The following LHFPL3 variants were observed in gnomAD, a reference collection of about 807,000 sequenced individuals.
LHFPL3 encodes the protein LHFPL tetraspan subfamily member 3 protein.
Under a neutral mutation model 19.3 loss-of-function variants are expected in LHFPL3, and 5 were observed. The ratio of observed to expected loss-of-function variants is 0.26; its 90% CI spans 0.14 to 0.54. LHFPL3 has a LOEUF of 0.54. Among genes scored for constraint, LHFPL3 ranks in the 20% least tolerant of loss-of-function variants. The probability of loss-of-function intolerance (pLI) is 0.94; values close to 1 mark genes in which losing one functional copy is unlikely to be tolerated. For synonymous variants in LHFPL3, 133 were observed against 126.2 expected, an observed-to-expected ratio of 1.05 and a Z score of -0.36; for missense variants, 249 against 307.4, an observed-to-expected ratio of 0.81 and a Z score of 1.42.
chr7:104,877,994 T>C (rs1322862910), intron 2 of LHFPL3, among the ~76,000 whole-genome samples: 1 of 152,052 alleles, frequency 6.6e-6, no homozygotes, highest in African/African-American at 2.4e-5. Context: ...CCACCACACC[T>C]GGCTAATTTT....
intron 1 of LHFPL3, among the ~76,000 whole-genome samples, chr7:104,341,421 A>G (rs1004980694): frequency 1.6e-4 from 25 of 152,266 alleles, no homozygotes; most frequent in African/African-American, 6.0e-4. Context: ...ATCTATGACT[A>G]TGATCCAAAC....
chr7:104,575,086 T>C lies in LHFPL3; in HGVS notation c.446-161589T>C, dbSNP rs183759408. 2.6e-5 allele frequency among the ~76,000 whole-genome samples: 4 copies of C among 151,874 alleles called. No individual in the cohort carries two copies. In the East Asian group the frequency reaches 7.7e-4, roughly 29 times the overall value. ...ACTTAAGCATACTTTGGTTTCTGAG[T>C]AAATGGAACACAAATAACAGAAGAC... On this transcript the variant is annotated intron_variant, in intron 1 of 2. Transcript: ENST00000424859.
chr7:104,511,917 C>A (rs887488014), intron 1 of LHFPL3, among the ~76,000 whole-genome samples: 1 of 146,640 alleles, frequency 6.8e-6, no homozygotes, highest in Non-Finnish European at 1.5e-5. Flanking sequence ...TTCTAACGTT[C>A]TAATAGTGAT....
chr7:104,736,604 A>G, intron 1 of LHFPL3, 71 bp from the exon 2 acceptor site: 1 of 977,196 alleles, frequency 1.0e-6, no homozygotes, highest in Non-Finnish European at 1.6e-6. Context: ...AGACAGTGGA[A>G]ACATTTGCTA....
rs943489832 is a variant in LHFPL3 at position 104,328,627 on chromosome 7, C to G, written c.-153C>G. 1.0e-5 allele frequency: 7 copies of G among 683,282 alleles called. No homozygotes were observed. Among genetic ancestry groups the G allele is most frequent in the Non-Finnish European group, 1.5e-5 (6 of 409,156 alleles). The allele number at this position is 683,282 out of a possible 1,614,324, so 42.3% of individuals were successfully genotyped here. ...CGCTCCCCCGCCCTCCTTCCGGGAG[C>G]GAGGATGCAGACTCTGAAACTGGTG... is the stretch of plus-strand genomic sequence containing the variant. On this transcript the variant is annotated 5_prime_UTR_variant, in exon 1 of 3. Transcript: ENST00000424859. This position sits in a 1 kb window ranked among gnomAD's most constrained non-coding sequence, Gnocchi z 4.6.
intron 2 of LHFPL3, chr7:104,738,499 T>C (rs1793871440): frequency 6.6e-6 from 1 of 152,212 alleles, no homozygotes; most frequent in Non-Finnish European, 1.5e-5. Flanking sequence ...CAGAATGCTA[T>C]TGTTTCCTGT....
intron 1 of LHFPL3, among the ~76,000 whole-genome samples, chr7:104,686,843 T>C (rs374808662): frequency 3.3e-5 from 5 of 152,200 alleles, no homozygotes; most frequent in African/African-American, 1.2e-4. Flanking sequence ...CTTACAATCA[T>C]GGCAGAAGGG....
intron 1 of LHFPL3, among the ~76,000 whole-genome samples, chr7:104,664,270 T>C (rs1792282064): frequency 6.6e-6 from 1 of 152,226 alleles, no homozygotes; most frequent in African/African-American, 2.4e-5. Context: ...GGCAGTCTTG[T>C]ACCAAATTAG....
intron 1 of LHFPL3, among the ~76,000 whole-genome samples, chr7:104,562,751 A>T (rs1399624893): frequency 6.6e-6 from 1 of 151,656 alleles, no homozygotes; most frequent in Non-Finnish European, 1.5e-5. Flanking sequence ...GGAGGAGGAG[A>T]GGCACTCTGC....
chr7:104,837,944 T>A (rs1791129021), intron 2 of LHFPL3, among the ~76,000 whole-genome samples: 1 of 152,234 alleles, frequency 6.6e-6, no homozygotes, highest in African/African-American at 2.4e-5. Flanking sequence ...AATATAACCT[T>A]CAGAAACTAT....
chr7:104,439,758 A>G (rs573808025), intron 1 of LHFPL3, among the ~76,000 whole-genome samples: 3 of 152,268 alleles, frequency 2.0e-5, no homozygotes, highest in East Asian at 3.9e-4. Flanking sequence ...TAAAAAACTG[A>G]ACGCTTTTCT....
At chr7:104,791,145 G>A (rs1248911800) in intron 2 of LHFPL3, among the ~76,000 whole-genome samples, 2 of 152,158 alleles carry the variant, frequency 1.3e-5, no homozygotes, top group African/African-American at 4.8e-5. Context: ...TTCCTCTCCA[G>A]TAACCAAGTT....
intron 1 of LHFPL3, among the ~76,000 whole-genome samples, chr7:104,590,623 T>C (rs1257808363): frequency 6.6e-6 from 1 of 152,330 alleles, no homozygotes; most frequent in East Asian, 1.9e-4. Flanking sequence ...TAATTGTCTA[T>C]TAGGTCCGCT....
At chr7:104,731,131 T>C (rs556621375) in intron 1 of LHFPL3, among the ~76,000 whole-genome samples, 1 of 152,252 alleles carries the variant, frequency 6.6e-6, no homozygotes, top group Non-Finnish European at 1.5e-5. Flanking sequence ...AGTACCATGC[T>C]GTTTTGGTTA....
At chr7:104,377,569 A>C (rs914201383) in intron 1 of LHFPL3, among the ~76,000 whole-genome samples, 5 of 152,312 alleles carry the variant, frequency 3.3e-5, no homozygotes, top group African/African-American at 1.2e-4. Flanking sequence ...TTTTGCTTAG[A>C]GTACTTAAAA....
intron 1 of LHFPL3, among the ~76,000 whole-genome samples, chr7:104,568,781 C>A (rs971327002): frequency 6.6e-6 from 1 of 152,160 alleles, no homozygotes; most frequent in Non-Finnish European, 1.5e-5. Context: ...CTGGTGGTGC[C>A]CTTCCAGAGG....
chr7:104,421,782 C>T (rs35080238), intron 1 of LHFPL3, among the ~76,000 whole-genome samples: 16,209 of 152,164 alleles, frequency 0.11, 1,020 homozygotes, highest in East Asian at 0.26. Context: ...CTGATATGGA[C>T]TGAATGTTTG....
chr7:104,457,270 T>TC (rs1562903297), intron 1 of LHFPL3, among the ~76,000 whole-genome samples: 2 of 128,980 alleles, frequency 1.6e-5, no homozygotes, highest in Admixed American at 8.2e-5. Flanking sequence ...CCCTCCCCCA[T>TC]CCCCCCACCC....
chr7:104,847,723 C>G (rs1474238790), intron 2 of LHFPL3, among the ~76,000 whole-genome samples: 1 of 152,194 alleles, frequency 6.6e-6, no homozygotes, highest in African/African-American at 2.4e-5. Flanking sequence ...TGTTGGCCAG[C>G]CTGGTATCGA....
Sources: allele counts gnomAD v4.1 joint callset (sites outside exome capture counted in the v4.1 genomes callset), GRCh38; gene constraint gnomAD v4.1.1; non-coding constraint Gnocchi (gnomAD v3.1); transcripts MANE v1.5; gene names NCBI Gene and HGNC (gene_info 2026-07-23, HGNC 2026-07-21).